The following RGS17 variants were observed in gnomAD, a reference collection of about 807,000 sequenced individuals.
RGS17 encodes regulator of G-protein signaling 17.
A neutral mutation model predicts 25.5 loss-of-function variants in RGS17; 12 were observed. The observed-to-expected ratio is 0.47, with a 90% CI of 0.30 to 0.76. The LOEUF (loss-of-function observed/expected upper bound fraction) is 0.76. RGS17 is among the 30% of genes least tolerant of loss of function. RGS17 has a pLI of 0.07. For synonymous variants in RGS17, 71 were observed against 76.9 expected, an observed-to-expected ratio of 0.92 and a Z score of 0.40; for missense variants, 196 against 242.2, an observed-to-expected ratio of 0.81 and a Z score of 1.27.
At chr6:153,014,744 G>A (rs1779165945) in intron 4 of RGS17, among the ~76,000 whole-genome samples, 1 of 150,948 alleles carries the variant, frequency 6.6e-6, no homozygotes, top group Non-Finnish European at 1.5e-5. Flanking sequence ...CTTGCAGTGA[G>A]TCTTGATCGC....
chr6:153,056,372 T>C (rs530956379), intron 1 of RGS17, among the ~76,000 whole-genome samples: 67 of 152,280 alleles, frequency 4.4e-4, no homozygotes, highest in African/African-American at 1.6e-3. Context: ...ATGCACAGGA[T>C]AAGAGGATAT....
intron 1 of RGS17, among the ~76,000 whole-genome samples, chr6:153,070,957 GTATATACACGTGTATATGTACACA>G (rs1776790057): frequency 1.3e-5 from 2 of 149,066 alleles, no homozygotes; most frequent in Non-Finnish European, 3.0e-5. Context: ...ATCTACATGT[GTATATACACGTGTATATGTACACA>G]CATGTGTGTA....
chr6:153,032,840 T>C (rs1456185719), intron 2 of RGS17, among the ~76,000 whole-genome samples: 1 of 152,258 alleles, frequency 6.6e-6, no homozygotes, highest in African/African-American at 2.4e-5. Context: ...TTATTAACAT[T>C]GTCATTATCG....
intron 1 of RGS17, among the ~76,000 whole-genome samples, chr6:153,049,030 T>G (rs1312829085): frequency 1.3e-5 from 2 of 152,170 alleles, no homozygotes; most frequent in Non-Finnish European, 2.9e-5. Flanking sequence ...CAATAAAGTC[T>G]ATATACCCAA....
chr6:153,025,152 A>AAG (rs1382083967), intron 3 of RGS17, among the ~76,000 whole-genome samples: 1 of 150,976 alleles, frequency 6.6e-6, no homozygotes, highest in African/African-American at 2.4e-5. Flanking sequence ...TCTGCAAAAA[A>AAG]AAAATTAAAA....
At chr6:153,037,450 C>T (rs1377891739) in intron 2 of RGS17, among the ~76,000 whole-genome samples, 3 of 145,364 alleles carry the variant, frequency 2.1e-5, no homozygotes, top group African/African-American at 5.2e-5. Context: ...TTTTTTGAGA[C>T]AGAGTCTCTC....
chr6:153,128,935 C>T (rs913232001), intron 1 of RGS17, among the ~76,000 whole-genome samples: 1 of 152,074 alleles, frequency 6.6e-6, no homozygotes, highest in South Asian at 2.1e-4. Context: ...GGAGTAGTTG[C>T]GGAACTATAG....
At chr6:153,104,232 G>T (rs907037832) in intron 1 of RGS17, among the ~76,000 whole-genome samples, 3 of 152,176 alleles carry the variant, frequency 2.0e-5, no homozygotes, top group Admixed American at 6.5e-5. Context: ...ACAGATAGTA[G>T]ATAAAAAGTG....
At chr6:153,120,217 T>C (rs544810884) in intron 1 of RGS17, among the ~76,000 whole-genome samples, 1 of 152,318 alleles carries the variant, frequency 6.6e-6, no homozygotes, top group South Asian at 2.1e-4. Flanking sequence ...AATCAAATAA[T>C]ATCCCTGAGG....
chr6:153,122,892 A>T (rs1777653136), intron 1 of RGS17, among the ~76,000 whole-genome samples: 1 of 111,666 alleles, frequency 9.0e-6, no homozygotes, highest in Non-Finnish European at 1.9e-5. Context: ...AACAGTAGGT[A>T]GGGAAAATGT....
chr6:153,067,524 C>G (rs1776727945), intron 1 of RGS17, among the ~76,000 whole-genome samples: 1 of 151,998 alleles, frequency 6.6e-6, no homozygotes. Context: ...AGCAAACAAT[C>G]TGAAAAAGAA....
chr6:153,069,739 CGTGTGT>C (rs60117149), intron 1 of RGS17, among the ~76,000 whole-genome samples: 8 of 140,936 alleles, frequency 5.7e-5, no homozygotes, highest in African/African-American at 1.3e-4. Context: ...ATATACACCT[CGTGTGT>C]GTGTGTGTGT....
At chr6:153,040,934 G>T (rs1000311807) in intron 2 of RGS17, among the ~76,000 whole-genome samples, 8 of 150,508 alleles carry the variant, frequency 5.3e-5, no homozygotes, top group Non-Finnish European at 8.8e-5. Context: ...GGCATTTTAG[G>T]ATTGCTTGAG....
chr6:153,047,651 G>A (rs1335332474), intron 1 of RGS17, among the ~76,000 whole-genome samples: 1 of 152,198 alleles, frequency 6.6e-6, no homozygotes, highest in Non-Finnish European at 1.5e-5. Context: ...GAACTGGATT[G>A]CTTTTCCCCA....
At chr6:153,060,591 A>G (rs978339763) in intron 1 of RGS17, among the ~76,000 whole-genome samples, 2 of 152,184 alleles carry the variant, frequency 1.3e-5, no homozygotes, top group African/African-American at 4.8e-5. Context: ...AAAAATAATT[A>G]TAAGTTTCAA....
At chr6:153,101,112 A>T (rs565001892) in intron 1 of RGS17, among the ~76,000 whole-genome samples, 32 of 152,334 alleles carry the variant, frequency 2.1e-4, no homozygotes, top group Non-Finnish European at 4.6e-4. Flanking sequence ...GTTTTGAAAA[A>T]TTTAAGTAAT....
At chr6:153,089,552 T>G (rs996884637) in intron 1 of RGS17, among the ~76,000 whole-genome samples, 2 of 152,090 alleles carry the variant, frequency 1.3e-5, no homozygotes, top group Non-Finnish European at 2.9e-5. Flanking sequence ...GAAAATGATA[T>G]TTAGAAAATC....
chr6:153,012,565 G>A (rs1483768071), intron 4 of RGS17, among the ~76,000 whole-genome samples: 3 of 152,144 alleles, frequency 2.0e-5, no homozygotes, highest in African/African-American at 7.2e-5. Flanking sequence ...GTTGGAAAGG[G>A]AAATGGGGAA....
chr6:153,092,768 T>C (rs1360889514), intron 1 of RGS17, among the ~76,000 whole-genome samples: 1 of 152,242 alleles, frequency 6.6e-6, no homozygotes, highest in Non-Finnish European at 1.5e-5. Flanking sequence ...ATGACTCATA[T>C]AACTTGTAAC....
Sources: gnomAD v4.1 joint callset for allele counts (sites outside exome capture counted in the v4.1 genomes callset) on GRCh38, gnomAD v4.1.1 for gene constraint, MANE v1.5 for transcripts, NCBI Gene and HGNC (gene_info 2026-07-23, HGNC 2026-07-21) for gene names.